XKR4: variants seen among roughly 807,000 people sequenced by gnomAD.
XKR4 encodes the protein XK-related protein 4.
XKR4 carries 12 observed loss-of-function variants against 53.9 expected under a neutral mutation model. The observed-to-expected ratio is 0.22, with a 90% confidence interval of 0.14 to 0.36. The LOEUF (loss-of-function observed/expected upper bound fraction) is 0.36. Among genes scored for constraint, XKR4 ranks in the 10% least tolerant of loss-of-function variants. XKR4 has a pLI of 1.00. For synonymous variants in XKR4, 354 were observed against 362.4 expected (o/e 0.98, Z 0.26); for missense variants, 799 against 859.5 (o/e 0.93, Z 0.88).
intron 1 of XKR4, among the ~76,000 whole-genome samples, chr8:55,127,412 C>A (rs564398682): frequency 6.6e-6 from 1 of 151,804 alleles, no homozygotes; most frequent in East Asian, 1.9e-4. Context: ...ACCACCATGC[C>A]CGGCTAATAT....
chr8:55,126,398 T>A (rs1446759099), intron 1 of XKR4, among the ~76,000 whole-genome samples: 2 of 152,262 alleles, frequency 1.3e-5, no homozygotes, highest in Non-Finnish European at 2.9e-5. Context: ...TTGTTCATCA[T>A]TGTCCAGCTG....
chr8:55,102,938 C>A lies in XKR4; in HGVS notation c.450C>A (p.Phe150Leu). Residue 150 changes from phenylalanine to leucine, a missense_variant, in exon 1 of 3, where the codon TTC (phenylalanine) becomes TTA (leucine). Physicochemically the swap from Phe to Leu is conservative, Grantham distance 22. Transcript: ENST00000327381. This position sits in a 1 kb window ranked among gnomAD's most constrained non-coding sequence, Gnocchi z 5.1. Reference sequence around the variant, plus strand: ...GCTGGTGGTTCGGGCTCACGCTCTTCTTCGTGGTGCTCGGCTCTCTGTCGG... The same window carrying A: ...GCTGGTGGTTCGGGCTCACGCTCTTATTCGTGGTGCTCGGCTCTCTGTCGG... ...GQRWWFGLTL[F>L]FVVLGSLSVQ... 6.2e-7 allele frequency: 1 copy of A among 1,611,712 alleles called. No individual in the cohort carries two copies. Among genetic ancestry groups the A allele is most frequent in the Non-Finnish European group, 8.5e-7 (1 of 1,179,870 alleles).
At chr8:55,327,133 A>G (rs146853435) in intron 1 of XKR4, among the ~76,000 whole-genome samples, 101 of 152,324 alleles carry the variant, frequency 6.6e-4, no homozygotes, top group African/African-American at 2.4e-3. Context: ...AAATCAAAGC[A>G]TAAGGTCAGT....
chr8:55,374,720 G>T (rs193102384), intron 2 of XKR4, among the ~76,000 whole-genome samples: 1 of 152,240 alleles, frequency 6.6e-6, no homozygotes, highest in East Asian at 1.9e-4. Context: ...GAGCCTGATG[G>T]GTCTGACAAT....
At chr8:55,402,551 C>T (rs915606710) in intron 2 of XKR4, among the ~76,000 whole-genome samples, 1 of 152,166 alleles carries the variant, frequency 6.6e-6, no homozygotes, top group East Asian at 1.9e-4. Context: ...CCTTCCATAC[C>T]AGAACTGACC....
chr8:55,225,735 A>G (rs1001317390), intron 1 of XKR4, among the ~76,000 whole-genome samples: 9 of 152,250 alleles, frequency 5.9e-5, no homozygotes, highest in Admixed American at 6.5e-5. Flanking sequence ...TGTTTTGAAT[A>G]AGATGACATT....
chr8:55,460,227 A>G (rs1220808429), intron 2 of XKR4, among the ~76,000 whole-genome samples: 1 of 152,240 alleles, frequency 6.6e-6, no homozygotes, highest in African/African-American at 2.4e-5. Flanking sequence ...TAAAAAAGGC[A>G]AAACCACAGT....
At chr8:55,436,376 G>A (rs1229948649) in intron 2 of XKR4, among the ~76,000 whole-genome samples, 1 of 152,140 alleles carries the variant, frequency 6.6e-6, no homozygotes, top group Non-Finnish European at 1.5e-5. Context: ...TGCTTTTAAG[G>A]AAAGAGGAAT....
chr8:55,332,026 A>G (rs1205512904), intron 1 of XKR4, among the ~76,000 whole-genome samples: 2 of 151,996 alleles, frequency 1.3e-5, no homozygotes, highest in African/African-American at 4.8e-5. Flanking sequence ...TATTTCCTCT[A>G]TTACTGCCCT....
intron 1 of XKR4, chr8:55,164,747 A>G: frequency 4.0e-6 from 1 of 250,586 alleles, no homozygotes; most frequent in Non-Finnish European, 8.0e-6. Flanking sequence ...TTCTTATTTT[A>G]TGTTTTATTC....
At chr8:55,489,596 T>G (rs1806242961) in intron 2 of XKR4, among the ~76,000 whole-genome samples, 1 of 151,964 alleles carries the variant, frequency 6.6e-6, no homozygotes, top group Admixed American at 6.6e-5. Context: ...ACTTTTGTTA[T>G]TTAAAAAAAA....
chr8:55,466,217 G>A (rs1306028554), intron 2 of XKR4, among the ~76,000 whole-genome samples: 2 of 152,236 alleles, frequency 1.3e-5, no homozygotes, highest in East Asian at 1.9e-4. Flanking sequence ...ATTCACAATA[G>A]CAAAGACTTT....
chr8:55,219,888 T>A (rs1243636486), intron 1 of XKR4, among the ~76,000 whole-genome samples: 1 of 152,214 alleles, frequency 6.6e-6, no homozygotes, highest in Non-Finnish European at 1.5e-5. Context: ...TATGCATTTG[T>A]TTCACATATA....
intron 1 of XKR4, among the ~76,000 whole-genome samples, chr8:55,158,973 G>T (rs1435239307): frequency 6.6e-6 from 1 of 151,920 alleles, no homozygotes; most frequent in African/African-American, 2.4e-5. Context: ...GCTCTTTTTT[G>T]GTTTCATATG....
chr8:55,284,213 T>C (rs2129374322), intron 1 of XKR4, among the ~76,000 whole-genome samples: 1 of 152,344 alleles, frequency 6.6e-6, no homozygotes. Flanking sequence ...AGAAATTATA[T>C]CAATAAATTT....
At chr8:55,502,999 C>T (rs1447948446) in intron 2 of XKR4, among the ~76,000 whole-genome samples, 1 of 152,128 alleles carries the variant, frequency 6.6e-6, no homozygotes, top group African/African-American at 2.4e-5. Context: ...TGTCAAAAAT[C>T]GTTTGACCAT....
intron 1 of XKR4, among the ~76,000 whole-genome samples, chr8:55,331,672 T>A (rs1385161922): frequency 6.6e-6 from 1 of 152,184 alleles, no homozygotes; most frequent in Non-Finnish European, 1.5e-5. Context: ...TTTGATAAAT[T>A]GACCCTTTAT....
At chr8:55,274,758 C>T (rs1818741388) in intron 1 of XKR4, among the ~76,000 whole-genome samples, 1 of 152,082 alleles carries the variant, frequency 6.6e-6, no homozygotes, top group Non-Finnish European at 1.5e-5. Flanking sequence ...CTAAGGACTC[C>T]GTCATTCATA....
chr8:55,449,591 C>G, intron 2 of XKR4: 1 of 1,264,710 alleles, frequency 7.9e-7, no homozygotes, highest in Non-Finnish European at 1.2e-6. Flanking sequence ...GTCGTAAACG[C>G]GAGGAGTTGT....
Sources: gnomAD v4.1 joint callset for allele counts (sites outside exome capture counted in the v4.1 genomes callset) on GRCh38, gnomAD v4.1.1 for gene constraint, Gnocchi (gnomAD v3.1) non-coding constraint, MANE v1.5 for transcripts, NCBI Gene and HGNC (gene_info 2026-07-23, HGNC 2026-07-21) for gene names.